The following GPSM2 variants were observed in gnomAD, a reference collection of about 807,000 sequenced individuals.
The protein encoded by GPSM2 is G protein-signaling modulator 2.
GPSM2 carries 58 observed loss-of-function variants against 78.4 expected under a neutral mutation model. The ratio of observed to expected loss-of-function variants is 0.74; its 90% CI spans 0.60 to 0.92. GPSM2 has a LOEUF of 0.92. Among genes scored for constraint, GPSM2 ranks in the 40% least tolerant of loss-of-function variants. The pLI is 0.00. For missense variants in GPSM2, 700 were observed against 815.5 expected (o/e 0.86, Z 1.73); for synonymous variants, 224 against 280.2 (o/e 0.80, Z 2.00).
rs1648500008 is a variant in GPSM2 at position 108,897,949 on chromosome 1, C to A, written c.415-10C>A. The A allele has an allele frequency of 1.2e-6, 2 of 1,612,974 alleles. No homozygotes were observed. Among genetic ancestry groups the A allele is most frequent in the East Asian group, 4.5e-5 (2 of 44,872 alleles). On this transcript the variant is annotated splice_polypyrimidine_tract_variant and intron_variant, in intron 4 of 14. Transcript: ENST00000264126. ...TTCAAAATGTAAACTTTGCTGATGT[C>A]TTCATTTAGGTGGGAGAAGCAAGAG...
At chr1:108,911,981 A>AT (rs1302005487) in intron 10 of GPSM2, among the ~76,000 whole-genome samples, 6 of 151,340 alleles carry the variant, frequency 4.0e-5, no homozygotes, top group South Asian at 2.1e-4. Context: ...TGATTTTTAT[A>AT]TTTTTTTGCA....
At chr1:108,880,307 T>C (rs1665828522) in intron 1 of GPSM2, among the ~76,000 whole-genome samples, 1 of 152,190 alleles carries the variant, frequency 6.6e-6, no homozygotes, top group Non-Finnish European at 1.5e-5. Flanking sequence ...CTTTAAAATG[T>C]GTTTGGGTCA....
At chr1:108,905,253 A>G (rs573264868) in intron 10 of GPSM2, among the ~76,000 whole-genome samples, 1 of 152,356 alleles carries the variant, frequency 6.6e-6, no homozygotes, top group East Asian at 1.9e-4. Flanking sequence ...TTAAAAAGCA[A>G]AAACAAACAG....
chr1:108,893,244 A>G (rs2101374814), intron 2 of GPSM2, among the ~76,000 whole-genome samples: 1 of 152,304 alleles, frequency 6.6e-6, no homozygotes, highest in Middle Eastern at 3.4e-3. Flanking sequence ...AATATTGGCA[A>G]ACACTTTTAT....
chr1:108,920,955 T>C (rs1318007250), intron 12 of GPSM2, among the ~76,000 whole-genome samples: 3 of 152,322 alleles, frequency 2.0e-5, no homozygotes, highest in Non-Finnish European at 2.9e-5. Flanking sequence ...AGCTTATGTA[T>C]GTATCATTCC....
intron 14 of GPSM2, among the ~76,000 whole-genome samples, chr1:108,929,020 T>TA (rs1651423803): frequency 7.0e-6 from 1 of 141,948 alleles, no homozygotes; most frequent in South Asian, 2.2e-4. Flanking sequence ...CATTCTGGGC[T>TA]ATTTCTTAAC....
rs1339800488 is a variant in GPSM2 at position 108,924,051 on chromosome 1, T to C, written c.1652T>C (p.Leu551Pro). Residue 551 changes from leucine (L) to proline (P), a missense_variant, in exon 14 of 15, where the codon CTT becomes CCT. By Grantham distance (98) the Leu-to-Pro change is moderately conservative. Transcript: ENST00000264126. The part of the protein sequence containing the change: ...SPNTDEFLDL[L>P]ASSQSRRLDD... ...AACACGGATGAGTTTTTAGATCTTC[T>C]TGCCAGCTCACAGAGTCGCCGTCTG... is the stretch of plus-strand genomic sequence containing the variant. 1.2e-6 allele frequency: 2 copies of C among 1,613,814 alleles called. No homozygotes were observed. Among genetic ancestry groups the C allele is most frequent in the Non-Finnish European group, 8.5e-7 (1 of 1,179,680 alleles).
chr1:108,907,663 AG>A (rs1649349157), intron 10 of GPSM2, among the ~76,000 whole-genome samples: 1 of 152,244 alleles, frequency 6.6e-6, no homozygotes, highest in Non-Finnish European at 1.5e-5. Context: ...ACATTTATTG[AG>A]TGCTTATGAT....
chr1:108,880,013 C>T (rs1665818810), intron 1 of GPSM2, among the ~76,000 whole-genome samples: 1 of 152,028 alleles, frequency 6.6e-6, no homozygotes. Context: ...AATGCCTTTC[C>T]TTCATTTGGC....
chr1:108,918,745 GAT>G lies in GPSM2; in HGVS notation c.1397_1398del (p.Asp466GlyfsTer3). 1 of 1,613,758 alleles carries G rather than the reference GAT, an allele frequency of 6.2e-7. No homozygotes were observed. Among genetic ancestry groups the G allele is most frequent in the South Asian group, 1.1e-5 (1 of 91,080 alleles). On this transcript the variant is annotated frameshift_variant, in exon 12 of 15. Transcript: ENST00000264126. LOFTEE classifies it high-confidence loss of function. ...GAATTCCTCCACTAAAGTTCTCCAA[GAT>G]GCCAGTAATTCTATTGACCACCGAA... ...KTNSSTKVLQDASNSIDHRIP... is the reference protein window; with the variant it reads ...KTNSSTKVLQXASNSIDHRIP...
At chr1:108,916,078 C>CAA (rs59651066) in intron 11 of GPSM2, among the ~76,000 whole-genome samples, 7,304 of 105,064 alleles carry the variant, frequency 0.07, 297 homozygotes, top group African/African-American at 0.12. Flanking sequence ...CCTGTCTATA[C>CAA]AAAAAAAAAA....
chr1:108,878,778 G>A (rs1430080767), intron 1 of GPSM2, among the ~76,000 whole-genome samples: 1 of 152,164 alleles, frequency 6.6e-6, no homozygotes. Context: ...ATGTATCAGA[G>A]CCAGGTGCTG....
At position 108,931,253 on chromosome 1, in the gene GPSM2, TGAAA is replaced by T. The variant is rs1651902918; in HGVS notation, c.*1320_*1323del. On this transcript the variant is annotated 3_prime_UTR_variant, in exon 15 of 15. Transcript: ENST00000264126. The stretch of plus-strand genomic sequence containing the variant: ...GATGAAAACTCACAAAAATTAAATA[TGAAA>T]GAAAGATGTCAGCTAGAACCTTAGT... 3 of 1,434,320 alleles carry T rather than the reference TGAAA, an allele frequency of 2.1e-6. No homozygotes were observed. The highest frequency in any genetic ancestry group is 2.7e-5 in the Admixed American group (1 of 37,174). The allele number at this position is 1,434,320 out of a possible 1,614,324, so 88.8% of individuals were successfully genotyped here. A position where few individuals can be genotyped will look rare whatever the true frequency, so the allele number is the denominator to read the frequency against.
chr1:108,888,493 A>G (rs1647740191), intron 2 of GPSM2, among the ~76,000 whole-genome samples: 1 of 152,060 alleles, frequency 6.6e-6, no homozygotes. Flanking sequence ...GACTACAGCT[A>G]TGCCTGGCTA....
rs147100320 is a variant in GPSM2, at chr1:108,926,357, T to A, written c.1815+2143T>A. 4 of 152,288 alleles carry A rather than the reference T, an allele frequency of 2.6e-5. No individual in the cohort carries two copies. In the East Asian group the frequency reaches 7.7e-4, roughly 29 times the overall value. The allele number at this position is 152,288 out of a possible 1,614,324, so 9.4% of individuals were successfully genotyped here. A position where few individuals can be genotyped will look rare whatever the true frequency, so the allele number is the denominator to read the frequency against. ...TAATAATGGACTTAAGAATCTAGGC[T>A]GTAAGAAGGAAAATAAAGAAATGAA... is the stretch of plus-strand genomic sequence containing the variant. On this transcript the variant is annotated intron_variant, in intron 14 of 14. Transcript: ENST00000264126.
intron 1 of GPSM2, among the ~76,000 whole-genome samples, chr1:108,878,578 C>T (rs1255066831): frequency 6.6e-6 from 1 of 151,982 alleles, no homozygotes; most frequent in East Asian, 1.9e-4. Context: ...TTAAAAATGA[C>T]CTTTTCATAA....
intron 14 of GPSM2, among the ~76,000 whole-genome samples, chr1:108,928,519 T>TTAA (rs1643220283): frequency 6.6e-6 from 1 of 152,246 alleles, no homozygotes; most frequent in Non-Finnish European, 1.5e-5. Flanking sequence ...TGGGCTTAAA[T>TTAA]GTTCAGGGAT....
chr1:108,878,927 G>T (rs2101283083), intron 1 of GPSM2, among the ~76,000 whole-genome samples: 1 of 152,306 alleles, frequency 6.6e-6, no homozygotes, highest in East Asian at 1.9e-4. Context: ...ATCATGGCCT[G>T]ATCCCAAAGC....
At chr1:108,897,453 C>T (rs553141220) in intron 3 of GPSM2, 39 bp from the exon 4 acceptor site, 2 of 1,551,200 alleles carry the variant, frequency 1.3e-6, no homozygotes, top group African/African-American at 1.4e-5. Flanking sequence ...TATTTTAATA[C>T]CATTTGGTTT....
Sources: allele counts gnomAD v4.1 joint callset (sites outside exome capture counted in the v4.1 genomes callset), GRCh38; gene constraint gnomAD v4.1.1; transcripts MANE v1.5; gene names NCBI Gene and HGNC (gene_info 2026-07-23, HGNC 2026-07-21).